The following CTNNA3 variants were observed in gnomAD, a reference collection of about 807,000 sequenced individuals.
CTNNA3 encodes catenin alpha-3.
Under a neutral mutation model 95.7 loss-of-function variants are expected in CTNNA3, and 76 were observed. That is an observed-to-expected ratio of 0.79 (90% confidence interval 0.66 to 0.96). The LOEUF (loss-of-function observed/expected upper bound fraction) is 0.96, where lower values mean the gene tolerates loss of function less well. CTNNA3 is among the 40% of genes least tolerant of loss of function. The probability of loss-of-function intolerance (pLI) is 0.00; values close to 1 mark genes in which losing one functional copy is unlikely to be tolerated. For synonymous variants in CTNNA3, 431 were observed against 374.4 expected (o/e 1.15, Z -1.74); for missense variants, 1,191 against 1,089.8 (o/e 1.09, Z -1.31).
At chr10:66,204,080 A>G (rs2087606155) in intron 13 of CTNNA3, among the ~76,000 whole-genome samples, 1 of 152,176 alleles carries the variant, frequency 6.6e-6, no homozygotes, top group South Asian at 2.1e-4. Context: ...AATAAAAAGT[A>G]AATACCATCA....
chr10:66,871,595 C>G (rs1295137334), intron 7 of CTNNA3, among the ~76,000 whole-genome samples: 1 of 138,680 alleles, frequency 7.2e-6, no homozygotes, highest in East Asian at 2.1e-4. Context: ...AAGTACTCAA[C>G]AATATGTTTT....
In CTNNA3 at chr10:67,508,149, G is replaced by A. The variant is rs1839488095; in HGVS notation, c.579+13693C>T. Among the ~76,000 whole-genome samples, 4 of 152,150 alleles carry A rather than the reference G, an allele frequency of 2.6e-5. No individual in the cohort carries two copies. In the South Asian group the frequency reaches 6.2e-4, roughly 24 times the overall value. On this transcript the variant is annotated intron_variant, in intron 5 of 17. Coordinates refer to ENST00000433211, the MANE Select transcript of CTNNA3 (RefSeq NM_013266.4). ...CTTCCTCATACTCCCGAATAGCTGG[G>A]ATTACAGGCCCACACCACCACACCT...
At position 65,961,315 on chromosome 10, in the gene CTNNA3, T is replaced by C. The variant is rs559612284; in HGVS notation, c.2400+5297A>G. 4.7e-4 allele frequency among the ~76,000 whole-genome samples: 72 copies of C among 152,282 alleles called. 1 individual carries two copies. The highest frequency in any genetic ancestry group is 1.7e-3 in the African/African-American group (69 of 41,568). Reference sequence around the variant, plus strand: ...TGCATACTCAGTACTCAACTGATCATGATACAATTTTTGCCTTCACCATAA... The same window carrying C: ...TGCATACTCAGTACTCAACTGATCACGATACAATTTTTGCCTTCACCATAA... On this transcript the variant is annotated intron_variant, in intron 17 of 17. Transcript: ENST00000433211.
At chr10:66,436,501 C>CTTTTT (rs34165061) in intron 11 of CTNNA3, among the ~76,000 whole-genome samples, 84 of 60,380 alleles carry the variant, frequency 1.4e-3, no homozygotes, top group African/African-American at 4.4e-3. Context: ...ACAATCCCTG[C>CTTTTT]TTTTTTTTTT....
rs752266194 is a variant in CTNNA3 at position 66,520,804 on chromosome 10, A to G, written c.1375-31T>C. On this transcript the variant is annotated intron_variant, in intron 10 of 17. Coordinates refer to ENST00000433211, the MANE Select transcript of CTNNA3 (RefSeq NM_013266.4). The stretch of plus-strand genomic sequence containing the variant: ...AAGATAAGGATTGAAAAAATTACCT[A>G]TTGGTTGCAATGTTCACTATTTGGG... The G allele has an allele frequency of 4.4e-6, 7 of 1,577,212 alleles. No homozygotes were observed. In the South Asian group the frequency reaches 4.5e-5, roughly 10 times the overall value.
chr10:66,444,951 T>C (rs183050299), intron 11 of CTNNA3, among the ~76,000 whole-genome samples: 125 of 152,096 alleles, frequency 8.2e-4, no homozygotes, highest in African/African-American at 2.9e-3. Flanking sequence ...GAGACACGCA[T>C]GGGCTCAAAA....
intron 9 of CTNNA3, among the ~76,000 whole-genome samples, chr10:66,729,190 CAT>C (rs1243239757): frequency 2.0e-5 from 3 of 152,276 alleles, no homozygotes; most frequent in African/African-American, 7.2e-5. Flanking sequence ...AGCCAACAAA[CAT>C]ATGAAAAACA....
chr10:65,992,064 A>G (rs768620280), intron 15 of CTNNA3, among the ~76,000 whole-genome samples: 3 of 152,008 alleles, frequency 2.0e-5, no homozygotes, highest in Non-Finnish European at 2.9e-5. Context: ...TGATTTGTGT[A>G]TGTTGAATCA....
chr10:66,995,272 C>G (rs1279748242), intron 7 of CTNNA3, among the ~76,000 whole-genome samples: 1 of 152,158 alleles, frequency 6.6e-6, no homozygotes, highest in South Asian at 2.1e-4. Flanking sequence ...ACTGAAGACA[C>G]TTTTTCCTCT....
intron 12 of CTNNA3, among the ~76,000 whole-genome samples, chr10:66,332,329 T>C (rs2092340570): frequency 6.6e-6 from 1 of 151,394 alleles, no homozygotes; most frequent in African/African-American, 2.4e-5. Context: ...GTGCCAGTTT[T>C]CAAAGGGAAT....
intron 5 of CTNNA3, among the ~76,000 whole-genome samples, chr10:67,511,996 G>C (rs1188690786): frequency 6.6e-6 from 1 of 152,146 alleles, no homozygotes; most frequent in African/African-American, 2.4e-5. Context: ...GGTGTTTATA[G>C]TATTCTCTGA....
chr10:66,400,124 A>C (rs755127941), intron 11 of CTNNA3, among the ~76,000 whole-genome samples: 1 of 152,032 alleles, frequency 6.6e-6, no homozygotes, highest in Non-Finnish European at 1.5e-5. Flanking sequence ...CCTGAAGCTA[A>C]GAAGCTGATA....
chr10:67,717,831 G>T (rs1171635627), intron 1 of CTNNA3, among the ~76,000 whole-genome samples: 1 of 152,144 alleles, frequency 6.6e-6, no homozygotes, highest in African/African-American at 2.4e-5. Context: ...GAAATTTAAA[G>T]TAGTTTTTTC....
intron 6 of CTNNA3, among the ~76,000 whole-genome samples, chr10:67,207,941 G>A (rs61493014): frequency 0.05 from 7,600 of 152,172 alleles, 244 homozygotes; most frequent in South Asian, 0.11. Flanking sequence ...AGTGATTCTT[G>A]TGCAAGTGGT....
chr10:66,698,192 C>T (rs1847831788), intron 9 of CTNNA3, among the ~76,000 whole-genome samples: 1 of 152,138 alleles, frequency 6.6e-6, no homozygotes, highest in Non-Finnish European at 1.5e-5. Context: ...ATAAAATCTT[C>T]CAGATGTAAG....
At chr10:66,121,750 T>G (rs935908541) in intron 13 of CTNNA3, among the ~76,000 whole-genome samples, 8 of 152,048 alleles carry the variant, frequency 5.3e-5, no homozygotes, top group African/African-American at 1.9e-4. Flanking sequence ...CTGAGTTGGA[T>G]AGATCGCTTG....
At chr10:67,120,393 A>T (rs574325734) in intron 7 of CTNNA3, among the ~76,000 whole-genome samples, 3 of 151,998 alleles carry the variant, frequency 2.0e-5, no homozygotes, top group Admixed American at 1.3e-4. Flanking sequence ...TATTGATTTT[A>T]TCATACACAT....
At chr10:66,913,075 T>C (rs767092306) in intron 7 of CTNNA3, among the ~76,000 whole-genome samples, 2 of 151,220 alleles carry the variant, frequency 1.3e-5, no homozygotes, top group Non-Finnish European at 3.0e-5. Context: ...CCGTCTCTAC[T>C]AAAAATACAA....
intron 7 of CTNNA3, among the ~76,000 whole-genome samples, chr10:67,011,829 G>C (rs970300562): frequency 5.9e-5 from 9 of 152,060 alleles, no homozygotes; most frequent in African/African-American, 2.2e-4. Flanking sequence ...GAAGTAATTT[G>C]CCCAAGGACC....
Sources: allele counts gnomAD v4.1 joint callset (sites outside exome capture counted in the v4.1 genomes callset), GRCh38; gene constraint gnomAD v4.1.1; transcripts MANE v1.5; gene names NCBI Gene and HGNC (gene_info 2026-07-23, HGNC 2026-07-21).